Variants in MB21D2 observed in about 807,000 individuals in gnomAD.
The protein encoded by MB21D2 is Mab-21 domain containing 2.
A neutral mutation model predicts 33.3 loss-of-function variants in MB21D2; 9 were observed. The observed-to-expected ratio is 0.27, with a 90% CI of 0.16 to 0.47. The LOEUF is 0.47. MB21D2 is among the 20% of genes least tolerant of loss of function. The pLI is 0.99. For missense variants in MB21D2, 540 were observed against 624.6 expected, an observed-to-expected ratio of 0.86 and a Z score of 1.44; for synonymous variants, 241 against 236.3, an observed-to-expected ratio of 1.02 and a Z score of -0.18.
At chr3:192,877,514 G>A (rs926848694) in intron 1 of MB21D2, among the ~76,000 whole-genome samples, 4 of 152,070 alleles carry the variant, frequency 2.6e-5, no homozygotes, top group Admixed American at 6.6e-5. Context: ...TCTGCCCATC[G>A]CGTATATCAA....
At chr3:192,878,738 C>A (rs186516612) in intron 1 of MB21D2, among the ~76,000 whole-genome samples, 4 of 152,134 alleles carry the variant, frequency 2.6e-5, no homozygotes, top group Non-Finnish European at 5.9e-5. Context: ...CCAAGGCGAG[C>A]GGATCGCTTG....
intron 1 of MB21D2, among the ~76,000 whole-genome samples, chr3:192,843,772 A>G (rs938872135): frequency 2.6e-5 from 4 of 152,160 alleles, no homozygotes; most frequent in African/African-American, 9.7e-5. Context: ...TACCCAAATT[A>G]TAAAATAGAA....
chr3:192,856,330 G>A (rs1446633491), intron 1 of MB21D2, among the ~76,000 whole-genome samples: 2 of 152,238 alleles, frequency 1.3e-5, no homozygotes, highest in East Asian at 3.9e-4. Context: ...TTGCAACCTT[G>A]AGCAGATCAC....
intron 1 of MB21D2, among the ~76,000 whole-genome samples, chr3:192,842,643 A>T (rs554723935): frequency 1.3e-5 from 2 of 152,256 alleles, no homozygotes; most frequent in East Asian, 3.8e-4. Context: ...TTCAAAAAAT[A>T]ATCCTTTATA....
intron 1 of MB21D2, among the ~76,000 whole-genome samples, chr3:192,839,534 G>C (rs540715632): frequency 6.6e-6 from 1 of 152,338 alleles, no homozygotes; most frequent in East Asian, 1.9e-4. Context: ...GAAGGTGACA[G>C]TAAGAAGAAA....
intron 1 of MB21D2, among the ~76,000 whole-genome samples, chr3:192,863,548 T>C (rs1713099456): frequency 6.6e-6 from 1 of 152,292 alleles, no homozygotes; most frequent in South Asian, 2.1e-4. Flanking sequence ...ACTGAGTACT[T>C]AATATGTGAC....
At chr3:192,862,222 C>T (rs1053122490) in intron 1 of MB21D2, among the ~76,000 whole-genome samples, 2 of 152,090 alleles carry the variant, frequency 1.3e-5, no homozygotes, top group African/African-American at 2.4e-5. Context: ...GTTCTGCCAA[C>T]GTGGAGGAAG....
chr3:192,842,070 C>G (rs1346852465), intron 1 of MB21D2, among the ~76,000 whole-genome samples: 2 of 148,426 alleles, frequency 1.3e-5, no homozygotes, highest in Non-Finnish European at 2.9e-5. Flanking sequence ...TGGGAAGTAG[C>G]TAGGAGGGCG....
chr3:192,842,189 T>C (rs928888322), intron 1 of MB21D2, among the ~76,000 whole-genome samples: 14 of 152,160 alleles, frequency 9.2e-5, no homozygotes, highest in Non-Finnish European at 1.9e-4. Context: ...AGAGCTGAAC[T>C]GGGGCACAGC....
At chr3:192,870,275 G>A (rs1292164538) in intron 1 of MB21D2, among the ~76,000 whole-genome samples, 1 of 152,130 alleles carries the variant, frequency 6.6e-6, no homozygotes, top group Non-Finnish European at 1.5e-5. Flanking sequence ...CTGACCCTCA[G>A]CTTCTCATCT....
At chr3:192,804,464 T>TA (rs1711621362) in intron 1 of MB21D2, among the ~76,000 whole-genome samples, 1 of 147,650 alleles carries the variant, frequency 6.8e-6, no homozygotes, top group Non-Finnish European at 1.5e-5. Flanking sequence ...CACACACACT[T>TA]ACATATGTTG....
intron 1 of MB21D2, among the ~76,000 whole-genome samples, chr3:192,848,658 C>T (rs1712721835): frequency 6.6e-6 from 1 of 152,188 alleles, no homozygotes; most frequent in Admixed American, 6.5e-5. Context: ...TAAACCAACC[C>T]GTCAGAGTTT....
intron 1 of MB21D2, among the ~76,000 whole-genome samples, chr3:192,890,323 TAAG>T (rs1025094513): frequency 1.3e-5 from 2 of 152,040 alleles, no homozygotes; most frequent in African/African-American, 4.8e-5. Context: ...ATAAAAAGAC[TAAG>T]AAGGTTTTTT....
At chr3:192,873,264 GTCACT>G (rs1398863294) in intron 1 of MB21D2, among the ~76,000 whole-genome samples, 2 of 152,150 alleles carry the variant, frequency 1.3e-5, no homozygotes, top group Non-Finnish European at 2.9e-5. Context: ...ACCCAAGTGT[GTCACT>G]TCCTATATTC....
In MB21D2 at chr3:192,870,699, G is replaced by GAAAAAAAAAAAAAA. The variant is rs57320648; in HGVS notation, c.211+46917_211+46930dup. ...GCACTCCAGCCTGGGCGACTCCGTT[G>GAAAAAAAAAAAAAA]AAAAAAAAAAAAAAAAAAAAGGAAG... is the stretch of plus-strand genomic sequence containing the variant. On this transcript the variant is annotated intron_variant, in intron 1 of 1. Coordinates refer to ENST00000392452, the MANE Select transcript of MB21D2 (RefSeq NM_178496.4). 8.9e-4 allele frequency among the ~76,000 whole-genome samples: 37 copies of GAAAAAAAAAAAAAA among 41,662 alleles called. 2 individuals carry two copies. Among genetic ancestry groups the GAAAAAAAAAAAAAA allele is most frequent in the African/African-American group, 2.4e-3 (22 of 9,206 alleles). The allele number at this position is 41,662 out of a possible 152,430, so 27.3% of individuals were successfully genotyped here. A position where few individuals can be genotyped will look rare whatever the true frequency, so the allele number is the denominator to read the frequency against.
chr3:192,903,374 C>A (rs1473213327), intron 1 of MB21D2, among the ~76,000 whole-genome samples: 1 of 152,176 alleles, frequency 6.6e-6, no homozygotes, highest in Non-Finnish European at 1.5e-5. Flanking sequence ...AGTCAAGCCA[C>A]CTAATTTTCG....
At chr3:192,824,978 T>C (rs1041877860) in intron 1 of MB21D2, among the ~76,000 whole-genome samples, 1 of 152,220 alleles carries the variant, frequency 6.6e-6, no homozygotes, top group Non-Finnish European at 1.5e-5. Flanking sequence ...AAACATTACA[T>C]ACCCCGAGTA....
intron 1 of MB21D2, among the ~76,000 whole-genome samples, chr3:192,853,032 C>CTG (rs1166970585): frequency 1.5e-5 from 1 of 65,414 alleles, no homozygotes; most frequent in Non-Finnish European, 3.4e-5. Flanking sequence ...CTCTCTGTCT[C>CTG]TCTCTCTCTC....
chr3:192,897,439 A>G (rs755619015), intron 1 of MB21D2, among the ~76,000 whole-genome samples: 35 of 152,190 alleles, frequency 2.3e-4, no homozygotes, highest in Non-Finnish European at 3.1e-4. Context: ...GTAACTTGCC[A>G]TAAGATAGAG....
Sources: allele counts gnomAD v4.1 joint callset (sites outside exome capture counted in the v4.1 genomes callset), GRCh38; gene constraint gnomAD v4.1.1; transcripts MANE v1.5; gene names NCBI Gene and HGNC (gene_info 2026-07-23, HGNC 2026-07-21).